C6orf118: variants seen among roughly 807,000 people sequenced by gnomAD.
C6orf118 encodes the protein uncharacterized protein C6orf118.
C6orf118 carries 50 observed loss-of-function variants against 50.2 expected under a neutral mutation model. The ratio of observed to expected loss-of-function variants is 1.00; its 90% CI spans 0.79 to 1.26. The LOEUF (loss-of-function observed/expected upper bound fraction) is 1.26. Among genes scored for constraint, C6orf118 ranks in the 50% most tolerant of loss-of-function variants. The probability of loss-of-function intolerance (pLI) is 0.00; values close to 1 mark genes in which losing one functional copy is unlikely to be tolerated. For missense variants in C6orf118, 641 were observed against 578.7 expected (o/e 1.11, Z -1.10); for synonymous variants, 239 against 230.9 (o/e 1.03, Z -0.32).
rs1298283847 is a variant in C6orf118, at chr6:165,281,626, C to T, written c.1356+14G>A. The T allele has an allele frequency of 1.3e-6, 2 of 1,493,220 alleles. No homozygotes were observed. Among genetic ancestry groups the T allele is most frequent in the Non-Finnish European group, 1.8e-6 (2 of 1,117,614 alleles). The allele number at this position is 1,493,220 out of a possible 1,614,324, so 92.5% of individuals were successfully genotyped here. On this transcript the variant is annotated intron_variant, in intron 8 of 8. Coordinates refer to ENST00000230301, the MANE Select transcript of C6orf118 (RefSeq NM_144980.4). ...ATTTTTATTGATAAACATTGATTCACACAAAAAACTTACTTTTATTTTCTT... is the reference window on the plus strand; with the variant it reads ...ATTTTTATTGATAAACATTGATTCATACAAAAAACTTACTTTTATTTTCTT...
chr6:165,293,494 A>T, intron 5 of C6orf118, 23 bp from the exon 6 acceptor site: 1 of 1,597,342 alleles, frequency 6.3e-7, no homozygotes, highest in Non-Finnish European at 8.6e-7. Flanking sequence ...GATAAACAAT[A>T]GGGAAATATT....
chr6:165,279,776 A>T lies in C6orf118; in HGVS notation c.*281T>A, dbSNP rs1779667484. On this transcript the variant is annotated 3_prime_UTR_variant, in exon 9 of 9. Transcript: ENST00000230301. ...CTGAATTCCTTATTCTTAGCAAATA[A>T]TCAAAAGTATTTTCCAAAGTTGAAC... 3.2e-6 allele frequency: 1 copy of T among 311,534 alleles called. No homozygotes were observed. Among genetic ancestry groups the T allele is most frequent in the African/African-American group, 2.1e-5 (1 of 46,588 alleles). The allele number at this position is 311,534 out of a possible 1,614,324, so 19.3% of individuals were successfully genotyped here.
intron 8 of C6orf118, among the ~76,000 whole-genome samples, chr6:165,281,042 AAAT>A (rs1181519924): frequency 2.0e-5 from 3 of 152,374 alleles, no homozygotes; most frequent in Admixed American, 6.5e-5. Context: ...CTTATAATGT[AAAT>A]AATAATGTTT....
intron 6 of C6orf118, among the ~76,000 whole-genome samples, chr6:165,291,002 A>C (rs1357578925): frequency 6.6e-6 from 1 of 152,148 alleles, no homozygotes; most frequent in Non-Finnish European, 1.5e-5. Flanking sequence ...CAAAAGGGGA[A>C]ACCGCTGATA....
intron 8 of C6orf118, 118 bp downstream of exon 8, chr6:165,281,522 A>G (rs186722248): frequency 2.1e-6 from 3 of 1,424,352 alleles, no homozygotes. Context: ...TCTGCTTCAC[A>G]TGGTTTTCAG....
Position 165,279,980 on chromosome 6 carries a change from T to G in C6orf118, c.*77A>C. On this transcript the variant is annotated 3_prime_UTR_variant, in exon 9 of 9. Transcript: ENST00000230301. ...AATGAAATGTATCTTTATGAATGTA[T>G]ATGCATCTGCAAATATCCATGCTAC... The G allele has an allele frequency of 7.4e-7, 1 of 1,357,282 alleles. No individual in the cohort carries two copies. The highest frequency in any genetic ancestry group is 1.0e-6 in the Non-Finnish European group (1 of 977,738). The allele number at this position is 1,357,282 out of a possible 1,614,324, so 84.1% of individuals were successfully genotyped here.
Position 165,300,498 on chromosome 6 carries a change from A to T in C6orf118, c.754-12T>A, listed in dbSNP as rs1186857616. The T allele has an allele frequency of 6.2e-7, 1 of 1,606,782 alleles. No individual in the cohort carries two copies. The highest frequency in any genetic ancestry group is 1.3e-5 in the African/African-American group (1 of 74,494). On this transcript the variant is annotated splice_polypyrimidine_tract_variant and intron_variant, in intron 2 of 8. Transcript: ENST00000230301. ...ATTTTCTGGAGCTCCTGGAGGAAAA[A>T]CAGAGTCAGCCCATTTCAGGGTGGC... is the stretch of plus-strand genomic sequence containing the variant.
At chr6:165,288,565 T>A (rs1475101938) in intron 7 of C6orf118, among the ~76,000 whole-genome samples, 1 of 152,114 alleles carries the variant, frequency 6.6e-6, no homozygotes, top group African/African-American at 2.4e-5. Flanking sequence ...CTAGATTTTT[T>A]AAATGTGGTA....
chr6:165,296,926 C>T (rs1706750232), intron 5 of C6orf118, among the ~76,000 whole-genome samples: 1 of 152,192 alleles, frequency 6.6e-6, no homozygotes, highest in Non-Finnish European at 1.5e-5. Flanking sequence ...CAGACAACAA[C>T]CACGAGGGCT....
chr6:165,300,484 C>A lies in C6orf118; in HGVS notation c.756G>T (p.Glu252Asp). The A allele has an allele frequency of 6.2e-7, 1 of 1,608,546 alleles. No individual in the cohort carries two copies. ...GGCTGCACGTGCAAATTTTCTGGAG[C>A]TCCTGGAGGAAAAACAGAGTCAGCC... ...AAGHERKLQQ[E>D]LQKICTCSPQ... The change falls in exon 3 of 9, where the codon GAG (glutamate) becomes GAT (aspartate). Residue 252 changes from glutamate to aspartate, a missense_variant and splice_region_variant. Transcript: ENST00000230301.
intron 1 of C6orf118, among the ~76,000 whole-genome samples, chr6:165,307,645 T>C (rs976711664): frequency 6.6e-6 from 1 of 152,176 alleles, no homozygotes; most frequent in Non-Finnish European, 1.5e-5. Flanking sequence ...CTTGGTCTCA[T>C]TCTAGAACAT....
At chr6:165,286,930 G>A (rs944276902) in intron 7 of C6orf118, among the ~76,000 whole-genome samples, 4 of 152,234 alleles carry the variant, frequency 2.6e-5, no homozygotes, top group African/African-American at 7.2e-5. Flanking sequence ...TCTAGCCAGG[G>A]CAATCAGGCA....
intron 1 of C6orf118, 26 bp downstream of exon 1, chr6:165,309,536 A>C: frequency 6.2e-7 from 1 of 1,614,080 alleles, no homozygotes; most frequent in Non-Finnish European, 8.5e-7. Context: ...CTCACAAGCC[A>C]GCAAGAGCCG....
intron 7 of C6orf118, 91 bp from the exon 8 acceptor site, chr6:165,281,784 T>G (rs963661141): frequency 2.5e-6 from 2 of 815,202 alleles, no homozygotes; most frequent in Non-Finnish European, 3.6e-6. Context: ...GTGAATGATA[T>G]TATAATTTCA....
rs1779668248 is a variant in C6orf118, at chr6:165,279,807, TAAATG to T, written c.*245_*249del. On this transcript the variant is annotated 3_prime_UTR_variant, in exon 9 of 9. Transcript: ENST00000230301. ...AGTATTTTCCAAAGTTGAACATTAT[TAAATG>T]AAAGTAAAACATACGTTAAGAACTA... 2.7e-6 allele frequency: 1 copy of T among 372,680 alleles called. No individual in the cohort carries two copies. Among genetic ancestry groups the T allele is most frequent in the African/African-American group, 2.1e-5 (1 of 47,782 alleles). The allele number at this position is 372,680 out of a possible 1,614,324, so 23.1% of individuals were successfully genotyped here.
chr6:165,287,367 T>C (rs1294200369), intron 7 of C6orf118, among the ~76,000 whole-genome samples: 2 of 152,146 alleles, frequency 1.3e-5, no homozygotes, highest in Non-Finnish European at 2.9e-5. Flanking sequence ...AAGTAGCTTA[T>C]ACATTCAATG....
At chr6:165,292,533 T>G (rs1203348202) in intron 6 of C6orf118, among the ~76,000 whole-genome samples, 1 of 152,190 alleles carries the variant, frequency 6.6e-6, no homozygotes, top group Non-Finnish European at 1.5e-5. Context: ...GTTTTTTTGT[T>G]TTGTTTTTAA....
At chr6:165,281,862 T>C in intron 7 of C6orf118, 169 bp from the exon 8 acceptor site, 1 of 383,652 alleles carries the variant, frequency 2.6e-6, no homozygotes, top group South Asian at 5.9e-5. Context: ...GGACAATTAA[T>C]GAGAAGGAAA....
At chr6:165,280,138 T>C (rs749568202) in intron 8 of C6orf118, 28 bp from the exon 9 acceptor site, 5 of 1,466,460 alleles carry the variant, frequency 3.4e-6, no homozygotes, top group South Asian at 1.2e-5. Context: ...ATGAATACCA[T>C]AGGTTAGAAA....
Sources: gnomAD v4.1 joint callset for allele counts (sites outside exome capture counted in the v4.1 genomes callset) on GRCh38, gnomAD v4.1.1 for gene constraint, MANE v1.5 for transcripts, NCBI Gene and HGNC (gene_info 2026-07-23, HGNC 2026-07-21) for gene names.